Variants in KLF4 observed in about 807,000 individuals in gnomAD.
KLF4 encodes Krueppel-like factor 4.
Under a neutral mutation model 38.0 loss-of-function variants are expected in KLF4, and 14 were observed. The observed-to-expected ratio is 0.37, with a 90% CI of 0.24 to 0.58. KLF4 has a LOEUF of 0.58. KLF4 is among the 20% of genes least tolerant of loss of function. The pLI is 0.76. For missense variants in KLF4, 737 were observed against 670.1 expected, an observed-to-expected ratio of 1.10 and a Z score of -1.10; for synonymous variants, 398 against 302.5, an observed-to-expected ratio of 1.32 and a Z score of -3.28.
In KLF4 at chr9:107,487,567, T is replaced by A. The variant is rs372042613; in HGVS notation, c.827A>T (p.Lys276Met). The A allele has an allele frequency of 1.8e-5, 29 of 1,580,760 alleles. No homozygotes were observed. Among genetic ancestry groups the A allele is most frequent in the Non-Finnish European group, 2.2e-5 (26 of 1,167,370 alleles). Residue 276 changes from lysine to methionine, a missense_variant, in exon 3 of 5, where the codon AAG becomes ATG. This residue lies in a region of KLF4 where 695 missense variants were observed against 554.5 expected (regional missense o/e 1.25). Transcript: ENST00000374672. The surrounding 1 kb of genome is among the most constrained non-coding windows in gnomAD (Gnocchi z 6.1). ...YNGGPPRTCP[K>M]IKQEAVSSCT... ...CGAAGAGACCGCCTCCTGCTTGATC[T>A]TGGGGCACGTGCGCGGCGGCCCGCC... is the stretch of plus-strand genomic sequence containing the variant.
At position 107,488,114 on chromosome 9, in the gene KLF4, T is replaced by C. The variant is rs1021469379; in HGVS notation, c.280A>G (p.Arg94Gly). The stretch of plus-strand genomic sequence containing the variant: ...AGATCGTTGAACTCCTCGGTCTCTC[T>C]CCGAGGTAGGGGCGCCAGGTTGCTA... The part of the protein sequence containing the change: ...GGSNLAPLPR[R>G]ETEEFNDLLD... The change falls in exon 3 of 5, where the codon AGA becomes GGA. Residue 94 changes from arginine (R) to glycine (G), a missense_variant. By Grantham distance (125) the Arg-to-Gly change is moderately radical. This residue lies in a region of KLF4 where 695 missense variants were observed against 554.5 expected (regional missense o/e 1.25). Transcript: ENST00000374672. The surrounding 1 kb of genome is among the most constrained non-coding windows in gnomAD (Gnocchi z 5.7). The C allele has an allele frequency of 6.2e-7, 1 of 1,612,804 alleles. No homozygotes were observed.
At chr9:107,486,064 G>C in intron 4 of KLF4, 138 bp from the exon 5 acceptor site, 1 of 696,576 alleles carries the variant, frequency 1.4e-6, no homozygotes, top group Non-Finnish European at 2.4e-6. Flanking sequence ...TACCACTGAA[G>C]GGGTGTATTG....
In KLF4 at chr9:107,489,736, A is replaced by C. The variant is rs1349569086; in HGVS notation, c.-564T>G. On this transcript the variant is annotated 5_prime_UTR_variant, in exon 1 of 5. Transcript: ENST00000374672. ...CCGCCTCTGCTCCCCGCGCGCCCGCAGACACGTTCGTTCTCTCTGGTCGGG... is the reference window on the plus strand; with the variant it reads ...CCGCCTCTGCTCCCCGCGCGCCCGCCGACACGTTCGTTCTCTCTGGTCGGG... 9.7e-6 allele frequency: 2 copies of C among 206,802 alleles called. No homozygotes were observed. Among genetic ancestry groups the C allele is most frequent in the East Asian group, 7.2e-5 (1 of 13,868 alleles). 12.8% of individuals were successfully genotyped at this position (206,802 alleles called of 1,614,324 possible). A position where few individuals can be genotyped will look rare whatever the true frequency, so the allele number is the denominator to read the frequency against.
Position 107,488,099 on chromosome 9 carries a change from ACTC to A in KLF4, c.292_294del (p.Glu98del). On this transcript the variant is annotated inframe_deletion, in exon 3 of 5. Transcript: ENST00000374672. This position sits in a 1 kb window ranked among gnomAD's most constrained non-coding sequence, Gnocchi z 5.7. ...AAGTCCAGGTCCAGGAGATCGTTGA[ACTC>A]CTCGGTCTCTCTCCGAGGTAGGGGC... 1 of 1,612,042 alleles carries A rather than the reference ACTC, an allele frequency of 6.2e-7. No individual in the cohort carries two copies. Among genetic ancestry groups the A allele is most frequent in the East Asian group, 2.2e-5 (1 of 44,786 alleles).
chr9:107,488,876 A>AC lies in KLF4; in HGVS notation c.126+53dup, dbSNP rs1829138800. On this transcript the variant is annotated intron_variant, in intron 2 of 4. Transcript: ENST00000374672. This position sits in a 1 kb window ranked among gnomAD's most constrained non-coding sequence, Gnocchi z 5.7. ...TGACCCCAAGGCTCCGCCCGCCCCC[A>AC]CCACACCCACGAAAACCCACCGGGC... is the stretch of plus-strand genomic sequence containing the variant. 2.0e-6 allele frequency: 3 copies of AC among 1,531,298 alleles called. No individual in the cohort carries two copies. Among genetic ancestry groups the AC allele is most frequent in the Non-Finnish European group, 1.8e-6 (2 of 1,133,782 alleles). 94.9% of individuals were successfully genotyped at this position (1,531,298 alleles called of 1,614,324 possible). A position where few individuals can be genotyped will look rare whatever the true frequency, so the allele number is the denominator to read the frequency against.
rs1368072674 is a variant in KLF4, at chr9:107,487,747, TGCG to T, written c.644_646del (p.Pro215del). The T allele has an allele frequency of 6.3e-7, 1 of 1,575,260 alleles. No individual in the cohort carries two copies. Among genetic ancestry groups the T allele is most frequent in the African/African-American group, 1.4e-5 (1 of 73,980 alleles). On this transcript the variant is annotated inframe_deletion, in exon 3 of 5. Coordinates refer to ENST00000374672, the MANE Select transcript of KLF4 (RefSeq NM_004235.6). This position sits in a 1 kb window ranked among gnomAD's most constrained non-coding sequence, Gnocchi z 6.1. ...CCCGCCACCTGGCGGCTGCGGCTGC[TGCG>T]GCGGAATGTACACCGGGTCCAATTC...
rs367598643 is a variant in KLF4, at chr9:107,487,236, G to A, written c.1100-44C>T. The A allele has an allele frequency of 6.2e-7, 1 of 1,607,002 alleles. No homozygotes were observed. The highest frequency in any genetic ancestry group is 1.3e-5 in the African/African-American group (1 of 74,948). On this transcript the variant is annotated intron_variant, in intron 3 of 4. Transcript: ENST00000374672. The surrounding 1 kb of genome is among the most constrained non-coding windows in gnomAD (Gnocchi z 6.1). ...GGGTGAGCATCATCCCGTGTGTCCC[G>A]AAGTGGGGCCAGCACACACAGGGCT... is the stretch of plus-strand genomic sequence containing the variant.
intron 1 of KLF4, 41 bp from the exon 2 acceptor site, chr9:107,489,091 C>T: frequency 6.5e-7 from 1 of 1,550,352 alleles, no homozygotes; most frequent in African/African-American, 1.4e-5. Flanking sequence ...GAGTCAGGGG[C>T]GGCTTTCGGC....
Position 107,488,010 on chromosome 9 carries a change from C to G in KLF4, c.384G>C (p.Ala128=). 3 of 1,605,230 alleles carry G rather than the reference C, an allele frequency of 1.9e-6. No individual in the cohort carries two copies. In the South Asian group the frequency reaches 3.3e-5, roughly 18 times the overall value. The change falls in exon 3 of 5, where the codon GCG becomes GCC. Residue 128 remains alanine (A), a synonymous_variant. Transcript: ENST00000374672. This position sits in a 1 kb window ranked among gnomAD's most constrained non-coding sequence, Gnocchi z 5.7. The part of the protein sequence containing the change: ...ESVAATVSSS[A]SASSSSSPSS... The stretch of plus-strand genomic sequence containing the variant: ...ACGGCGACGACGAAGAGGAGGCTGA[C>G]GCTGACGAGGACACGGTGGCGGCCA...
chr9:107,485,599 G>T lies in KLF4; in HGVS notation c.*152C>A. ...GTCTTTTGGATTCCTCATTTTTCCT[G>T]ATTATCCACTCACAAGATGACTCAG... On this transcript the variant is annotated 3_prime_UTR_variant, in exon 5 of 5. Transcript: ENST00000374672. The surrounding 1 kb of genome is among the most constrained non-coding windows in gnomAD (Gnocchi z 4.9). The T allele has an allele frequency of 1.4e-6, 1 of 695,770 alleles. No homozygotes were observed. The allele number at this position is 695,770 out of a possible 1,614,324, so 43.1% of individuals were successfully genotyped here.
rs377266365 is a variant in KLF4, at chr9:107,487,935, C to A, written c.459G>T (p.Pro153=). The change falls in exon 3 of 5, where the codon CCG becomes CCT. Residue 153 remains proline, a synonymous_variant. Coordinates refer to ENST00000374672, the MANE Select transcript of KLF4 (RefSeq NM_004235.6). The surrounding 1 kb of genome is among the most constrained non-coding windows in gnomAD (Gnocchi z 6.1). ...SAPSTCSFTY[P]IRAGNDPGVA... ...CGCCCGGGTCGTTCCCGGCCCGGAT[C>A]GGATAGGTGAAGCTGCAGGTGGAGG... 1 of 1,580,126 alleles carries A rather than the reference C, an allele frequency of 6.3e-7. No individual in the cohort carries two copies. The highest frequency in any genetic ancestry group is 1.1e-5 in the South Asian group (1 of 87,264).
chr9:107,485,736 T>A lies in KLF4; in HGVS notation c.*15A>T. The A allele has an allele frequency of 6.4e-7, 1 of 1,565,090 alleles. No homozygotes were observed. Among genetic ancestry groups the A allele is most frequent in the South Asian group, 1.2e-5 (1 of 83,796 alleles). ...TTCTCTTCTGGCAGTGTGGGTCATATCCACTGTCTGGGATTTAAAAATGCC... is the reference window on the plus strand; with the variant it reads ...TTCTCTTCTGGCAGTGTGGGTCATAACCACTGTCTGGGATTTAAAAATGCC... On this transcript the variant is annotated 3_prime_UTR_variant, in exon 5 of 5. Transcript: ENST00000374672. This position sits in a 1 kb window ranked among gnomAD's most constrained non-coding sequence, Gnocchi z 4.9.
chr9:107,489,381 T>C lies in KLF4; in HGVS notation c.-209A>G, dbSNP rs1314503211. ...CTTAGAAAAGTTGTAAACGCAAAAA[T>C]AGACAATCAGCAAGGCGAGTAAGTA... On this transcript the variant is annotated 5_prime_UTR_variant, in exon 1 of 5. Coordinates refer to ENST00000374672, the MANE Select transcript of KLF4 (RefSeq NM_004235.6). 3 of 577,326 alleles carry C rather than the reference T, an allele frequency of 5.2e-6. No individual in the cohort carries two copies. In the South Asian group the frequency reaches 1.1e-4, roughly 21 times the overall value. The allele number at this position is 577,326 out of a possible 1,614,324, so 35.8% of individuals were successfully genotyped here.
In KLF4 at chr9:107,488,577, G is replaced by A. The variant is rs1268208690; in HGVS notation, c.127-310C>T. The A allele has an allele frequency of 4.0e-6, 2 of 495,736 alleles. No individual in the cohort carries two copies. The highest frequency in any genetic ancestry group is 7.1e-6 in the Non-Finnish European group (2 of 282,236). The allele number at this position is 495,736 out of a possible 1,614,324, so 30.7% of individuals were successfully genotyped here. On this transcript the variant is annotated intron_variant, in intron 2 of 4. Transcript: ENST00000374672. This position sits in a 1 kb window ranked among gnomAD's most constrained non-coding sequence, Gnocchi z 5.7. The stretch of plus-strand genomic sequence containing the variant: ...GGAATTGGCACACCGAGGCTCTCTC[G>A]GTGCGCTCTCGCCACGGGGCCGCCT...
rs148401285 is a variant in KLF4 at position 107,487,428 on chromosome 9, C to T, written c.966G>A (p.Glu322=). 6.9e-5 allele frequency: 105 copies of T among 1,520,018 alleles called. No individual in the cohort carries two copies. The highest frequency in any genetic ancestry group is 1.1e-4 in the Admixed American group (5 of 45,126). 94.2% of individuals were successfully genotyped at this position (1,520,018 alleles called of 1,614,324 possible). A position where few individuals can be genotyped will look rare whatever the true frequency, so the allele number is the denominator to read the frequency against. Residue 322 remains glutamate (E), a synonymous_variant, in exon 3 of 5, where the codon GAG becomes GAA. Coordinates refer to ENST00000374672, the MANE Select transcript of KLF4 (RefSeq NM_004235.6). The surrounding 1 kb of genome is among the most constrained non-coding windows in gnomAD (Gnocchi z 6.1). ...GACAGTCCCTGCTGCTCAGCACTTC[C>T]TCAAGACCCAGGGTCGGGGTAGTCC... The part of the protein sequence containing the change: ...PSRTTPTLGL[E]EVLSSRDCHP...
chr9:107,487,635 G>T lies in KLF4; in HGVS notation c.759C>A (p.Gly253=). The change falls in exon 3 of 5, where the codon GGC becomes GGA. Residue 253 remains glycine, a synonymous_variant. Transcript: ENST00000374672. This position sits in a 1 kb window ranked among gnomAD's most constrained non-coding sequence, Gnocchi z 6.1. ...GSPSVISVSK[G]SPDGSHPVVV... The stretch of plus-strand genomic sequence containing the variant: ...CCACCGGGTGGCTGCCGTCAGGGCT[G>T]CCTTTGCTGACGCTGATGACCGACG... The T allele has an allele frequency of 6.3e-7, 1 of 1,590,288 alleles. No homozygotes were observed.
In KLF4 at chr9:107,487,369, G is replaced by A. The variant is rs147332288; in HGVS notation, c.1025C>T (p.Pro342Leu). Residue 342 changes from proline to leucine, a missense_variant, in exon 3 of 5, where the codon CCC (proline) becomes CTC (leucine). Physicochemically the swap from Pro to Leu is moderately conservative, Grantham distance 98 (BLOSUM62 -3). This residue lies in a region of KLF4 where 695 missense variants were observed against 554.5 expected (regional missense o/e 1.25). Transcript: ENST00000374672. This position sits in a 1 kb window ranked among gnomAD's most constrained non-coding sequence, Gnocchi z 6.1. ...PALPLPPGFH[P>L]HPGPNYPSFL... ...GGATGGGTAATTGGGCCCCGGGTGG[G>A]GATGGAAGCCGGGAGGAAGCGGCAG... is the stretch of plus-strand genomic sequence containing the variant. 9.0e-5 allele frequency: 139 copies of A among 1,540,148 alleles called. No individual in the cohort carries two copies. Among genetic ancestry groups the A allele is most frequent in the Non-Finnish European group, 2.0e-5 (23 of 1,144,884 alleles).
At chr9:107,486,899 G>A (rs1829073053) in intron 4 of KLF4, 129 bp downstream of exon 4, 2 of 1,558,456 alleles carry the variant, frequency 1.3e-6, no homozygotes, top group Middle Eastern at 1.8e-4. Context: ...GAGGCACTGA[G>A]GAGTGTCCAC....
chr9:107,488,678 G>A lies in KLF4; in HGVS notation c.126+252C>T, dbSNP rs1023397684. Among the ~76,000 whole-genome samples the A allele has an allele frequency of 6.6e-6, 1 of 152,102 alleles. No homozygotes were observed. Among genetic ancestry groups the A allele is most frequent in the Non-Finnish European group, 1.5e-5 (1 of 67,996 alleles). On this transcript the variant is annotated intron_variant, in intron 2 of 4. Transcript: ENST00000374672. The surrounding 1 kb of genome is among the most constrained non-coding windows in gnomAD (Gnocchi z 5.7). Reference sequence around the variant, plus strand: ...CCCGCCCGGTGGCCCGAGAGCGCCCGCCCTACCGACAGCGCGCCCGGGGAC... The same window carrying A: ...CCCGCCCGGTGGCCCGAGAGCGCCCACCCTACCGACAGCGCGCCCGGGGAC...
Sources: allele counts gnomAD v4.1 joint callset (sites outside exome capture counted in the v4.1 genomes callset), GRCh38; gene constraint gnomAD v4.1.1; regional missense constraint gnomAD v4.1.1; non-coding constraint Gnocchi (gnomAD v3.1); transcripts MANE v1.5; gene names NCBI Gene and HGNC (gene_info 2026-07-23, HGNC 2026-07-21).